Variants in ARHGAP32 observed in about 807,000 individuals in gnomAD.
The protein encoded by ARHGAP32 is rho GTPase-activating protein 32.
A neutral mutation model predicts 186.5 loss-of-function variants in ARHGAP32; 51 were observed. The ratio of observed to expected loss-of-function variants is 0.27; its 90% CI spans 0.22 to 0.35. ARHGAP32 has a LOEUF of 0.35. Among genes scored for constraint, ARHGAP32 ranks in the 10% least tolerant of loss-of-function variants. ARHGAP32 has a pLI of 1.00. For synonymous variants in ARHGAP32, 950 were observed against 964.3 expected (o/e 0.99, Z 0.27); for missense variants, 2,186 against 2,623.5 (o/e 0.83, Z 3.64).
At chr11:129,176,338 G>T (rs1203714830) in intron 1 of ARHGAP32, among the ~76,000 whole-genome samples, 1 of 53,434 alleles carries the variant, frequency 1.9e-5, no homozygotes, top group Non-Finnish European at 4.2e-5. Flanking sequence ...ATTAATAATG[G>T]GAGACTTTAA....
At position 128,965,302 on chromosome 11, in the gene ARHGAP32, A is replaced by T. The variant is rs531396287; in HGVS notation, c.*3605T>A. ...TATGGGGCAAGAAATAAATCACAAA[A>T]CTATTTACAAAAATACACAAGCTTA... On this transcript the variant is annotated 3_prime_UTR_variant, in exon 23 of 23. Coordinates refer to ENST00000682385, the MANE Select transcript of ARHGAP32 (RefSeq NM_001378024.1). 1 of 152,226 alleles carries T rather than the reference A, an allele frequency of 6.6e-6. No individual in the cohort carries two copies. Among genetic ancestry groups the T allele is most frequent in the African/African-American group, 2.4e-5 (1 of 41,522 alleles). 9.4% of individuals were successfully genotyped at this position (152,226 alleles called of 1,614,324 possible).
chr11:129,163,641 A>C (rs1034693355), intron 2 of ARHGAP32, among the ~76,000 whole-genome samples: 1 of 152,128 alleles, frequency 6.6e-6, no homozygotes, highest in Non-Finnish European at 1.5e-5. Context: ...GGTTCAAGCT[A>C]CCATCACTAT....
chr11:129,062,439 G>A lies in ARHGAP32; in HGVS notation c.886-82C>T, dbSNP rs925674681. The A allele has an allele frequency of 6.9e-6, 8 of 1,162,528 alleles. 1 individual carries two copies. Among genetic ancestry groups the A allele is most frequent in the Admixed American group, 1.8e-5 (1 of 54,412 alleles). The allele number at this position is 1,162,528 out of a possible 1,614,324, so 72.0% of individuals were successfully genotyped here. A position where few individuals can be genotyped will look rare whatever the true frequency, so the allele number is the denominator to read the frequency against. On this transcript the variant is annotated intron_variant, in intron 9 of 22. Transcript: ENST00000682385. ...TATACCTAGAATTTAAATCCGAACT[G>A]TATGAAAAGGTAAAGTACTATTCAT...
chr11:128,987,930 G>T, intron 13 of ARHGAP32, 93 bp downstream of exon 13: 1 of 819,484 alleles, frequency 1.2e-6, no homozygotes. Context: ...TATCTTTAAT[G>T]AAAATAGGTT....
chr11:129,177,114 G>T lies in ARHGAP32; in HGVS notation c.117-12687C>A, dbSNP rs200439695. The stretch of plus-strand genomic sequence containing the variant: ...AAATGATAAAGGGGATATCACCACC[G>T]ATCCCACAGAAATACAAACTACCAT... On this transcript the variant is annotated intron_variant, in intron 1 of 22. Coordinates refer to ENST00000682385, the MANE Select transcript of ARHGAP32 (RefSeq NM_001378024.1). Among the ~76,000 whole-genome samples, 15 of 150,834 alleles carry T rather than the reference G, an allele frequency of 9.9e-5. No individual in the cohort carries two copies. In the South Asian group the frequency reaches 2.3e-3, roughly 23 times the overall value.
intron 2 of ARHGAP32, among the ~76,000 whole-genome samples, chr11:129,150,656 CA>C (rs1943268585): frequency 6.6e-6 from 1 of 151,854 alleles, no homozygotes. Flanking sequence ...CTTTTTCAGA[CA>C]AAAAAATCCT....
intron 6 of ARHGAP32, among the ~76,000 whole-genome samples, chr11:129,089,117 AT>A (rs1490446894): frequency 3.9e-5 from 6 of 152,126 alleles, no homozygotes; most frequent in African/African-American, 7.2e-5. Context: ...TGAGAAAAAA[AT>A]ATCCCAACAT....
intron 12 of ARHGAP32, among the ~76,000 whole-genome samples, chr11:128,996,787 T>A (rs971174471): frequency 8.7e-5 from 13 of 149,782 alleles, no homozygotes; most frequent in Admixed American, 3.3e-4. Flanking sequence ...AAAAAGAAAA[T>A]TTTTTTTTTT....
chr11:128,970,614 C>A lies in ARHGAP32; in HGVS notation c.4599G>T (p.Val1533=). The A allele has an allele frequency of 1.2e-6, 2 of 1,614,170 alleles. No individual in the cohort carries two copies. The highest frequency in any genetic ancestry group is 2.7e-5 in the African/African-American group (2 of 75,028). The change falls in exon 23 of 23, where the codon GTG becomes GTT. Residue 1533 remains valine (V), a synonymous_variant. Coordinates refer to ENST00000682385, the MANE Select transcript of ARHGAP32 (RefSeq NM_001378024.1). The surrounding 1 kb of genome is among the most constrained non-coding windows in gnomAD (Gnocchi z 5.8). ...PHHNKLEQHQ[V]YGARSEPPAS... is the part of the protein sequence containing the mutation. ...CTGGTGGCTCTGACCTGGCACCATA[C>A]ACTTGGTGCTGCTCCAATTTATTGT...
chr11:129,197,555 T>G (rs912644382), intron 1 of ARHGAP32, among the ~76,000 whole-genome samples: 3 of 152,152 alleles, frequency 2.0e-5, no homozygotes, highest in Non-Finnish European at 4.4e-5. Context: ...AATATAAAAT[T>G]TCTCAGAAAA....
chr11:129,069,755 CAT>C (rs10532643), intron 6 of ARHGAP32, among the ~76,000 whole-genome samples: 23,842 of 151,874 alleles, frequency 0.16, 2,329 homozygotes, highest in African/African-American at 0.28. Flanking sequence ...CAACTCCAAA[CAT>C]GTGTACAATT....
intron 11 of ARHGAP32, among the ~76,000 whole-genome samples, chr11:129,039,170 A>G (rs551939334): frequency 1.3e-5 from 2 of 152,306 alleles, no homozygotes; most frequent in African/African-American, 4.8e-5. Flanking sequence ...AGTTACACCA[A>G]TGGTGCAGCT....
chr11:129,017,095 C>G (rs1472678903), intron 11 of ARHGAP32, among the ~76,000 whole-genome samples: 1 of 152,176 alleles, frequency 6.6e-6, no homozygotes, highest in Non-Finnish European at 1.5e-5. Context: ...AATCTTGCCT[C>G]TGCAGCTCCT....
chr11:129,097,591 T>G (rs1285412210), intron 5 of ARHGAP32, among the ~76,000 whole-genome samples: 2 of 151,956 alleles, frequency 1.3e-5, no homozygotes, highest in African/African-American at 4.8e-5. Flanking sequence ...TTAGTTAACT[T>G]AAAGATAAGA....
rs374985398 is a variant in ARHGAP32 at position 129,037,851 on chromosome 11, C to A, written c.1045+3077G>T. 2.8e-3 allele frequency among the ~76,000 whole-genome samples: 425 copies of A among 151,934 alleles called. 10 individuals are homozygous for A. The South Asian group carries it at 0.044, about 16-fold the overall frequency. ...GGCACGGTGGCTCATGCCTGTAATC[C>A]CAGCACTTTGGGAGGCCGAGGTGGG... On this transcript the variant is annotated intron_variant, in intron 11 of 22. Coordinates refer to ENST00000682385, the MANE Select transcript of ARHGAP32 (RefSeq NM_001378024.1).
intron 12 of ARHGAP32, among the ~76,000 whole-genome samples, chr11:128,992,724 T>C (rs565813821): frequency 6.6e-6 from 1 of 151,816 alleles, no homozygotes; most frequent in Non-Finnish European, 1.5e-5. Flanking sequence ...GAGGTGGAGG[T>C]TGCAGTGAGC....
chr11:129,109,857 A>G (rs1405391249), intron 5 of ARHGAP32, among the ~76,000 whole-genome samples: 1 of 151,666 alleles, frequency 6.6e-6, no homozygotes, highest in South Asian at 2.1e-4. Context: ...CCCTTGTGGG[A>G]TATCATTTAC....
chr11:129,250,409 C>A (rs1301032799), intron 1 of ARHGAP32, among the ~76,000 whole-genome samples: 1 of 152,184 alleles, frequency 6.6e-6, no homozygotes, highest in Non-Finnish European at 1.5e-5. Flanking sequence ...TGAATTACTA[C>A]CGCAAAACTT....
intron 10 of ARHGAP32, among the ~76,000 whole-genome samples, chr11:129,057,519 A>G (rs1940300398): frequency 6.6e-6 from 1 of 151,930 alleles, no homozygotes; most frequent in Non-Finnish European, 1.5e-5. Context: ...TTGAATTCCT[A>G]ACCCCCAGAA....
Sources: allele counts gnomAD v4.1 joint callset (sites outside exome capture counted in the v4.1 genomes callset), GRCh38; gene constraint gnomAD v4.1.1; non-coding constraint Gnocchi (gnomAD v3.1); transcripts MANE v1.5; gene names NCBI Gene and HGNC (gene_info 2026-07-23, HGNC 2026-07-21).